The following UBE3D variants were observed in gnomAD, a reference collection of about 807,000 sequenced individuals.
The protein encoded by UBE3D is ubiquitin protein ligase E3D, also known as E3 ubiquitin-protein ligase E3D.
UBE3D carries 48 observed loss-of-function variants against 49.6 expected under a neutral mutation model. The ratio of observed to expected loss-of-function variants is 0.97; its 90% CI spans 0.77 to 1.23. The LOEUF is 1.23. Among genes scored for constraint, UBE3D ranks in the 50% most tolerant of loss-of-function variants. The pLI, the probability that UBE3D is intolerant of heterozygous loss-of-function variation, is 0.00. For missense variants in UBE3D, 452 were observed against 468.4 expected (o/e 0.96, Z 0.32); for synonymous variants, 189 against 174.2 (o/e 1.08, Z -0.67).
chr6:82,929,202 C>T (rs1212610281), intron 9 of UBE3D, among the ~76,000 whole-genome samples: 1 of 152,030 alleles, frequency 6.6e-6, no homozygotes, highest in Non-Finnish European at 1.5e-5. Context: ...ATAGGAGTGG[C>T]TCTTCAACAG....
At chr6:82,948,254 T>C (rs1775544363) in intron 9 of UBE3D, among the ~76,000 whole-genome samples, 1 of 151,962 alleles carries the variant, frequency 6.6e-6, no homozygotes, top group Non-Finnish European at 1.5e-5. Context: ...TGAGCAGCTA[T>C]ATGCCAATAA....
At chr6:82,905,308 C>G (rs1014069779) in intron 9 of UBE3D, among the ~76,000 whole-genome samples, 1 of 152,122 alleles carries the variant, frequency 6.6e-6, no homozygotes, top group African/African-American at 2.4e-5. Flanking sequence ...TGGTAATTCT[C>G]TCAATATTTT....
intron 1 of UBE3D, among the ~76,000 whole-genome samples, chr6:83,064,382 C>G (rs1338505777): frequency 6.6e-6 from 1 of 152,128 alleles, no homozygotes; most frequent in African/African-American, 2.4e-5. Context: ...TGCGCGCCAC[C>G]ACACCCAGCT....
intron 9 of UBE3D, among the ~76,000 whole-genome samples, chr6:82,911,830 C>G (rs1772550758): frequency 6.6e-6 from 1 of 152,148 alleles, no homozygotes; most frequent in South Asian, 2.1e-4. Context: ...ATGGGAGGAG[C>G]TGATTATCTA....
chr6:82,945,021 C>A (rs1376495328), intron 9 of UBE3D, among the ~76,000 whole-genome samples: 1 of 152,216 alleles, frequency 6.6e-6, no homozygotes, highest in Non-Finnish European at 1.5e-5. Flanking sequence ...CTGGACCCAC[C>A]CAGTGGCCGG....
At chr6:82,900,641 G>A (rs1040359233) in intron 9 of UBE3D, among the ~76,000 whole-genome samples, 43 of 152,304 alleles carry the variant, frequency 2.8e-4, no homozygotes, top group African/African-American at 9.4e-4. Context: ...GTAAGGTTGC[G>A]ACTGTGGATC....
In UBE3D at chr6:83,057,811, G is replaced by C; in HGVS notation, c.274+15C>G. ...AAAAGGTAAATACAGCAGCAGAAGTGCTAATATTACTCACTTGTGCCTAAT... is the reference window on the plus strand; with the variant it reads ...AAAAGGTAAATACAGCAGCAGAAGTCCTAATATTACTCACTTGTGCCTAAT... On this transcript the variant is annotated intron_variant, in intron 2 of 9. Transcript: ENST00000369747. The C allele has an allele frequency of 6.2e-7, 1 of 1,612,606 alleles. No homozygotes were observed. Among genetic ancestry groups the C allele is most frequent in the Non-Finnish European group, 8.5e-7 (1 of 1,178,954 alleles).
intron 5 of UBE3D, among the ~76,000 whole-genome samples, chr6:83,030,559 G>A (rs1781793372): frequency 6.6e-6 from 1 of 152,166 alleles, no homozygotes; most frequent in Non-Finnish European, 1.5e-5. Flanking sequence ...AGTCTCAGGT[G>A]TGTCTTTATT....
rs140158444 is a variant in UBE3D, at chr6:83,054,316, C to A, written c.275-78G>T. ...ACATACTTAAACAGTTCAATAGCCACGATAAATTACCATCCATAAACAGTT... is the reference window on the plus strand; with the variant it reads ...ACATACTTAAACAGTTCAATAGCCAAGATAAATTACCATCCATAAACAGTT... On this transcript the variant is annotated intron_variant, in intron 2 of 9. Transcript: ENST00000369747. The A allele has an allele frequency of 8.6e-6, 9 of 1,043,172 alleles. No homozygotes were observed. In the Admixed American group the frequency reaches 9.4e-5, roughly 11 times the overall value. 64.6% of individuals were successfully genotyped at this position (1,043,172 alleles called of 1,614,324 possible).
At chr6:83,048,979 C>G (rs1783273910) in intron 3 of UBE3D, among the ~76,000 whole-genome samples, 1 of 151,806 alleles carries the variant, frequency 6.6e-6, no homozygotes, top group South Asian at 2.1e-4. Context: ...GCCTAAGATT[C>G]TATAATGAAC....
rs200948228 is a variant in UBE3D, at chr6:83,022,580, A to G, written c.738-19T>C. 399 of 1,541,092 alleles carry G rather than the reference A, an allele frequency of 2.6e-4. 1 individual carries two copies. Among genetic ancestry groups the G allele is most frequent in the South Asian group, 2.0e-3 (159 of 80,786 alleles). The stretch of plus-strand genomic sequence containing the variant: ...CCAAGACCTGTTTGAACAGAAATCA[A>G]TTTTTACAATGTGTATCTCATAATA... On this transcript the variant is annotated intron_variant, in intron 6 of 9. Coordinates refer to ENST00000369747, the MANE Select transcript of UBE3D (RefSeq NM_198920.3).
At position 83,022,276 on chromosome 6, in the gene UBE3D, C is replaced by T. The variant is rs537106890; in HGVS notation, c.846+177G>A. Among the ~76,000 whole-genome samples, 75 of 152,312 alleles carry T rather than the reference C, an allele frequency of 4.9e-4. 1 individual carries two copies. Among genetic ancestry groups the T allele is most frequent in the East Asian group, 1.2e-3 (6 of 5,166 alleles). ...TCCTGACCTCAAGTGATCCACCCACCTTGGCCTCCCAAAGTGCTGGGATTT... is the reference window on the plus strand; with the variant it reads ...TCCTGACCTCAAGTGATCCACCCACTTTGGCCTCCCAAAGTGCTGGGATTT... On this transcript the variant is annotated intron_variant, in intron 7 of 9. Coordinates refer to ENST00000369747, the MANE Select transcript of UBE3D (RefSeq NM_198920.3).
chr6:82,999,460 T>C (rs1779471137), intron 8 of UBE3D, among the ~76,000 whole-genome samples: 1 of 152,124 alleles, frequency 6.6e-6, no homozygotes, highest in South Asian at 2.1e-4. Context: ...TCTAGGCTCA[T>C]GGCAACCTCT....
rs58424434 is a variant in UBE3D, at chr6:82,977,113, C to CAAAAAA, written c.1011-19669_1011-19664dup. 4.5e-4 allele frequency among the ~76,000 whole-genome samples: 19 copies of CAAAAAA among 42,582 alleles called. 1 individual carries two copies. Among genetic ancestry groups the CAAAAAA allele is most frequent in the East Asian group, 1.7e-3 (2 of 1,154 alleles). 27.9% of individuals were successfully genotyped at this position (42,582 alleles called of 152,430 possible). A position where few individuals can be genotyped will look rare whatever the true frequency, so the allele number is the denominator to read the frequency against. ...TGGGTGATAGAGCAAGACTCCATCT[C>CAAAAAA]AAAAAAAAAAAAAAAAAAAAAAAAA... On this transcript the variant is annotated intron_variant, in intron 8 of 9. Coordinates refer to ENST00000369747, the MANE Select transcript of UBE3D (RefSeq NM_198920.3).
At chr6:82,958,191 G>T (rs1265578585) in intron 8 of UBE3D, among the ~76,000 whole-genome samples, 3 of 152,068 alleles carry the variant, frequency 2.0e-5, no homozygotes, top group Non-Finnish European at 4.4e-5. Context: ...ATATGGCTGG[G>T]GCTAGAATCC....
intron 8 of UBE3D, among the ~76,000 whole-genome samples, chr6:82,989,855 C>T (rs1193168738): frequency 6.6e-6 from 1 of 152,222 alleles, no homozygotes; most frequent in African/African-American, 2.4e-5. Flanking sequence ...TTCCAGGCCT[C>T]ACTGCCCTGC....
At chr6:83,017,967 A>C (rs1282324530) in intron 8 of UBE3D, 2 of 151,792 alleles carry the variant, frequency 1.3e-5, no homozygotes, top group Admixed American at 1.3e-4. Context: ...TGTAAAAAAT[A>C]CACATGTTTA....
At chr6:82,896,669 T>C (rs556945042) in intron 9 of UBE3D, among the ~76,000 whole-genome samples, 1 of 152,326 alleles carries the variant, frequency 6.6e-6, no homozygotes, top group African/African-American at 2.4e-5. Context: ...TTTAATGTTA[T>C]TTTACCCTAG....
intron 8 of UBE3D, among the ~76,000 whole-genome samples, chr6:83,000,490 C>A (rs914247045): frequency 6.6e-6 from 1 of 152,202 alleles, no homozygotes; most frequent in Non-Finnish European, 1.5e-5. Flanking sequence ...AAAATAATTT[C>A]TCTTAGGCTA....
Sources: allele counts gnomAD v4.1 joint callset (sites outside exome capture counted in the v4.1 genomes callset), GRCh38; gene constraint gnomAD v4.1.1; transcripts MANE v1.5; gene names NCBI Gene and HGNC (gene_info 2026-07-23, HGNC 2026-07-21).